Variants in ADORA2B observed in about 807,000 individuals in gnomAD.
The protein encoded by ADORA2B is adenosine A2b receptor.
A neutral mutation model predicts 20.8 loss-of-function variants in ADORA2B; 18 were observed. The observed-to-expected ratio is 0.87, with a 90% CI of 0.60 to 1.29. ADORA2B has a LOEUF of 1.29. Ranked by LOEUF, ADORA2B falls within the 50% of genes most tolerant of loss-of-function variation. ADORA2B has a pLI of 0.00. For missense variants in ADORA2B, 441 were observed against 422.7 expected, an observed-to-expected ratio of 1.04 and a Z score of -0.38; for synonymous variants, 179 against 178.3, an observed-to-expected ratio of 1.00 and a Z score of -0.03.
chr17:15,939,206 A>AT, the ADORA2B span, among the ~76,000 whole-genome samples: 2 of 151,920 alleles, frequency 1.3e-5, no homozygotes, highest in East Asian at 1.9e-4. Flanking sequence ...ACGCCCAGCT[A>AT]TTTTTTTGTA....
chr17:15,974,857 C>T lies in ADORA2B; in HGVS notation c.514C>T (p.Leu172Phe). 6.2e-7 allele frequency: 1 copy of T among 1,614,110 alleles called. No homozygotes were observed. The highest frequency in any genetic ancestry group is 8.5e-7 in the Non-Finnish European group (1 of 1,180,024). ...TNESCCLVKC[L>F]FENVVPMSYM... is the part of the protein sequence containing the mutation. ...TGAAAGCTGCTGCCTTGTGAAGTGT[C>T]TCTTTGAGAATGTGGTCCCCATGAG... is the stretch of plus-strand genomic sequence containing the variant. The change falls in exon 2 of 2, where the codon CTC becomes TTC. Residue 172 changes from leucine (L) to phenylalanine (F), a missense_variant. Coordinates refer to ENST00000304222, the MANE Select transcript of ADORA2B (RefSeq NM_000676.4).
intron 1 of ADORA2B, among the ~76,000 whole-genome samples, chr17:15,955,459 C>T (rs147984267): frequency 9.7e-4 from 145 of 149,274 alleles, no homozygotes; most frequent in Admixed American, 4.7e-3. Flanking sequence ...AGTGCAGTGG[C>T]ACGATCTGGG....
chr17:15,881,605 A>G, the ADORA2B span, among the ~76,000 whole-genome samples: 2 of 152,070 alleles, frequency 1.3e-5, no homozygotes, highest in African/African-American at 4.8e-5. Flanking sequence ...CCGGTCTTCA[A>G]CCCCTAACCA....
chr17:15,921,489 A>G, the ADORA2B span, among the ~76,000 whole-genome samples: 1 of 152,250 alleles, frequency 6.6e-6, no homozygotes, highest in African/African-American at 2.4e-5. Context: ...ATGTTGTTTT[A>G]AAGTGACAGT....
intron 1 of ADORA2B, among the ~76,000 whole-genome samples, chr17:15,948,176 C>G (rs1049323831): frequency 2.4e-5 from 3 of 126,062 alleles, no homozygotes; most frequent in African/African-American, 8.3e-5. Flanking sequence ...AAGTGTGAGG[C>G]CTGTGGCCGC....
chr17:15,964,762 T>A (rs1304036753), intron 1 of ADORA2B, among the ~76,000 whole-genome samples: 1 of 149,144 alleles, frequency 6.7e-6, no homozygotes, highest in African/African-American at 2.5e-5. Flanking sequence ...AATAGATGAA[T>A]ATTAAAAAAA....
chr17:15,925,582 G>A, the ADORA2B span, among the ~76,000 whole-genome samples: 1 of 152,318 alleles, frequency 6.6e-6, no homozygotes, highest in African/African-American at 2.4e-5. Flanking sequence ...TAGAGGTGAA[G>A]TAATAAATGT....
At chr17:15,926,737 G>A in the ADORA2B span, among the ~76,000 whole-genome samples, 6 of 152,160 alleles carry the variant, frequency 3.9e-5, no homozygotes, top group Non-Finnish European at 7.4e-5. Context: ...TTGGGAGGCC[G>A]AGGTGGGAGG....
At chr17:15,858,249 C>T in the ADORA2B span, among the ~76,000 whole-genome samples, 3 of 152,196 alleles carry the variant, frequency 2.0e-5, no homozygotes, top group South Asian at 6.2e-4. Flanking sequence ...TTCTCTGCCT[C>T]CTCACCAGCA....
At chr17:15,930,155 T>C in the ADORA2B span, among the ~76,000 whole-genome samples, 1 of 152,114 alleles carries the variant, frequency 6.6e-6, no homozygotes, top group Non-Finnish European at 1.5e-5. Flanking sequence ...ATCGGGGCTG[T>C]GGTGATTAGA....
the ADORA2B span, among the ~76,000 whole-genome samples, chr17:15,862,705 T>C: frequency 6.6e-6 from 1 of 152,160 alleles, no homozygotes; most frequent in South Asian, 2.1e-4. Flanking sequence ...CACATAACAT[T>C]TCACTCAGTA....
the ADORA2B span, among the ~76,000 whole-genome samples, chr17:15,908,121 CAG>C: frequency 6.6e-6 from 1 of 151,952 alleles, no homozygotes; most frequent in Non-Finnish European, 1.5e-5. Flanking sequence ...TCTGTCCACC[CAG>C]AGCACCCAGG....
the ADORA2B span, among the ~76,000 whole-genome samples, chr17:15,909,215 C>T: frequency 3.9e-5 from 6 of 151,990 alleles, no homozygotes; most frequent in African/African-American, 1.5e-4. Context: ...GCAACAACAA[C>T]AACAACAACA....
chr17:15,851,441 G>T, the ADORA2B span, among the ~76,000 whole-genome samples: 1 of 151,428 alleles, frequency 6.6e-6, no homozygotes, highest in South Asian at 2.1e-4. Context: ...ACAGCCACAG[G>T]TGCAGTCCAT....
chr17:15,857,938 A>G, the ADORA2B span, among the ~76,000 whole-genome samples: 33 of 148,810 alleles, frequency 2.2e-4, no homozygotes, highest in Non-Finnish European at 4.5e-4. Context: ...TTATGGGTGA[A>G]TATCTCCATT....
the ADORA2B span, among the ~76,000 whole-genome samples, chr17:15,935,504 A>G: frequency 8.5e-5 from 13 of 152,230 alleles, no homozygotes; most frequent in African/African-American, 3.1e-4. Flanking sequence ...GCTTTTGACA[A>G]TTTGACTGCA....
the ADORA2B span, among the ~76,000 whole-genome samples, chr17:15,916,417 T>C: frequency 6.6e-6 from 1 of 151,718 alleles, no homozygotes; most frequent in African/African-American, 2.4e-5. Context: ...TCGACAAGAC[T>C]CACATCTCCA....
the ADORA2B span, among the ~76,000 whole-genome samples, chr17:15,915,371 A>G: frequency 6.6e-6 from 1 of 152,230 alleles, no homozygotes; most frequent in Non-Finnish European, 1.5e-5. Context: ...AACCTTAATC[A>G]CATCTGCAGA....
At chr17:15,923,216 T>C in the ADORA2B span, among the ~76,000 whole-genome samples, 1 of 143,138 alleles carries the variant, frequency 7.0e-6, no homozygotes, top group Non-Finnish European at 1.5e-5. Context: ...ATTTTTTTTT[T>C]TTTTTGTATT....
Sources: gnomAD v4.1 joint callset for allele counts (sites outside exome capture counted in the v4.1 genomes callset) on GRCh38, gnomAD v4.1.1 for gene constraint, MANE v1.5 for transcripts, NCBI Gene and HGNC (gene_info 2026-07-23, HGNC 2026-07-21) for gene names.